The following NDFIP2 variants were observed in gnomAD, a reference collection of about 807,000 sequenced individuals.
NDFIP2 encodes NEDD4 family-interacting protein 2.
Under a neutral mutation model 36.0 loss-of-function variants are expected in NDFIP2, and 19 were observed. The observed-to-expected ratio is 0.53, with a 90% CI of 0.37 to 0.77. NDFIP2 has a LOEUF of 0.77. Among genes scored for constraint, NDFIP2 ranks in the 30% least tolerant of loss-of-function variants. The probability of loss-of-function intolerance (pLI) is 0.00; values close to 1 mark genes in which losing one functional copy is unlikely to be tolerated. For synonymous variants in NDFIP2, 181 were observed against 167.7 expected (o/e 1.08, Z -0.61); for missense variants, 446 against 435.8 (o/e 1.02, Z -0.21).
At chr13:79,529,202 G>A (rs997786887) in intron 2 of NDFIP2, among the ~76,000 whole-genome samples, 13 of 152,156 alleles carry the variant, frequency 8.5e-5, no homozygotes, top group African/African-American at 1.9e-4. Flanking sequence ...GCTGGAGCTT[G>A]CCAGACTTTA....
At chr13:79,549,475 C>T (rs555351793) in intron 6 of NDFIP2, among the ~76,000 whole-genome samples, 3 of 151,866 alleles carry the variant, frequency 2.0e-5, no homozygotes, top group Admixed American at 1.3e-4. Context: ...GAGTAGAATA[C>T]AGAGGACAAT....
chr13:79,524,886 T>A (rs1193551309), intron 2 of NDFIP2, among the ~76,000 whole-genome samples: 2 of 152,210 alleles, frequency 1.3e-5, no homozygotes, highest in East Asian at 3.8e-4. Flanking sequence ...TTCCATGTTT[T>A]ATGCCTTGAT....
intron 1 of NDFIP2, among the ~76,000 whole-genome samples, chr13:79,509,346 A>C (rs560661163): frequency 6.6e-6 from 1 of 152,126 alleles, no homozygotes; most frequent in South Asian, 2.1e-4. Context: ...CTGATTGGCA[A>C]TTGGTTGAGT....
chr13:79,494,419 A>T (rs1356715402), intron 1 of NDFIP2, among the ~76,000 whole-genome samples: 1 of 152,094 alleles, frequency 6.6e-6, no homozygotes, highest in African/African-American at 2.4e-5. Context: ...AAAATATTTC[A>T]TGGAGTTGCT....
At chr13:79,520,619 A>G (rs1380131462) in intron 1 of NDFIP2, among the ~76,000 whole-genome samples, 191 bp from the exon 2 acceptor site, 1 of 152,214 alleles carries the variant, frequency 6.6e-6, no homozygotes, top group South Asian at 2.1e-4. Context: ...GAACTTCTTA[A>G]TAACTAAGTC....
Position 79,555,568 on chromosome 13 carries a change from G to A in NDFIP2, c.*3055G>A, listed in dbSNP as rs1050211823. The A allele has an allele frequency of 6.6e-6, 1 of 151,778 alleles. No individual in the cohort carries two copies. The highest frequency in any genetic ancestry group is 2.4e-5 in the African/African-American group (1 of 41,358). The allele number at this position is 151,778 out of a possible 1,614,324, so 9.4% of individuals were successfully genotyped here. A position where few individuals can be genotyped will look rare whatever the true frequency, so the allele number is the denominator to read the frequency against. The stretch of plus-strand genomic sequence containing the variant: ...ATGAACCATTTGGCCTGTAGAAGAG[G>A]AATAGTATTTTTTTTAATAGTTGTA... On this transcript the variant is annotated 3_prime_UTR_variant, in exon 8 of 8. Transcript: ENST00000218652.
intron 4 of NDFIP2, among the ~76,000 whole-genome samples, chr13:79,542,726 G>A (rs773333703): frequency 6.6e-6 from 1 of 151,792 alleles, no homozygotes; most frequent in Non-Finnish European, 1.5e-5. Flanking sequence ...GTCTTATTCT[G>A]TCCACAAAAA....
At chr13:79,492,777 T>C (rs1180714161) in intron 1 of NDFIP2, among the ~76,000 whole-genome samples, 1 of 152,194 alleles carries the variant, frequency 6.6e-6, no homozygotes, top group Non-Finnish European at 1.5e-5. Flanking sequence ...TGTTACTGCA[T>C]TGCATACTTT....
chr13:79,502,118 G>C (rs1678618552), intron 1 of NDFIP2, among the ~76,000 whole-genome samples: 1 of 152,064 alleles, frequency 6.6e-6, no homozygotes, highest in African/African-American at 2.4e-5. Flanking sequence ...GAATGAAAAT[G>C]CATGAATCGC....
chr13:79,536,509 G>A (rs1361624633), intron 3 of NDFIP2, among the ~76,000 whole-genome samples: 1 of 152,132 alleles, frequency 6.6e-6, no homozygotes, highest in Non-Finnish European at 1.5e-5. Context: ...ATATTTTGAT[G>A]TCTTTACCAA....
At chr13:79,530,064 T>C (rs1488215248) in intron 2 of NDFIP2, among the ~76,000 whole-genome samples, 1 of 152,228 alleles carries the variant, frequency 6.6e-6, no homozygotes, top group African/African-American at 2.4e-5. Flanking sequence ...ATAATCTTTT[T>C]CCTGGTGGAA....
rs565794599 is a variant in NDFIP2 at position 79,500,127 on chromosome 13, C to T, written c.321+18603C>T. 3.4e-5 allele frequency among the ~76,000 whole-genome samples: 5 copies of T among 147,324 alleles called. No homozygotes were observed. In the East Asian group the frequency reaches 8.2e-4, roughly 24 times the overall value. On this transcript the variant is annotated intron_variant, in intron 1 of 7. Transcript: ENST00000218652. ...GGCAACACAGTAAAGCAAAGATAGT[C>T]TTTTCAACAAATGGTGCTGGAACAG...
At chr13:79,502,689 T>C (rs1566656693) in intron 1 of NDFIP2, among the ~76,000 whole-genome samples, 1 of 152,070 alleles carries the variant, frequency 6.6e-6, no homozygotes. Flanking sequence ...ATTTAATAAT[T>C]AGAAGGTCAT....
At chr13:79,529,808 A>G (rs1399830939) in intron 2 of NDFIP2, among the ~76,000 whole-genome samples, 1 of 152,216 alleles carries the variant, frequency 6.6e-6, no homozygotes, top group Non-Finnish European at 1.5e-5. Context: ...ACAAAATTGT[A>G]AACAAATGTA....
chr13:79,481,612 A>G (rs1594835713), intron 1 of NDFIP2, 88 bp downstream of exon 1: 2 of 1,419,356 alleles, frequency 1.4e-6, no homozygotes, highest in Non-Finnish European at 1.9e-6. Flanking sequence ...CCCGGAGGAA[A>G]AGCTGTGGCT....
chr13:79,519,432 G>C (rs1422432610), intron 1 of NDFIP2, among the ~76,000 whole-genome samples: 3 of 152,116 alleles, frequency 2.0e-5, no homozygotes, highest in Admixed American at 2.0e-4. Flanking sequence ...TAGTTTGTCT[G>C]CATGTAGTTA....
chr13:79,524,397 C>G (rs1874708209), intron 2 of NDFIP2, among the ~76,000 whole-genome samples: 1 of 152,200 alleles, frequency 6.6e-6, no homozygotes, highest in Non-Finnish European at 1.5e-5. Flanking sequence ...ATGAATGTTA[C>G]TGCATCAGCA....
intron 1 of NDFIP2, among the ~76,000 whole-genome samples, chr13:79,492,344 T>TG (rs1425110999): frequency 1.3e-5 from 2 of 151,864 alleles, no homozygotes; most frequent in African/African-American, 4.8e-5. Flanking sequence ...AGCTTTCATC[T>TG]ATATCAGATG....
At chr13:79,536,444 G>A (rs1163057656) in intron 3 of NDFIP2, among the ~76,000 whole-genome samples, 2 of 152,146 alleles carry the variant, frequency 1.3e-5, no homozygotes, top group Admixed American at 1.3e-4. Flanking sequence ...GCCAATGTGG[G>A]AAAATAGAAA....
Sources: allele counts gnomAD v4.1 joint callset (sites outside exome capture counted in the v4.1 genomes callset), GRCh38; gene constraint gnomAD v4.1.1; transcripts MANE v1.5; gene names NCBI Gene and HGNC (gene_info 2026-07-23, HGNC 2026-07-21).